The following IDE variants were observed in gnomAD, a reference collection of about 807,000 sequenced individuals.
IDE encodes the protein insulin-degrading enzyme.
In IDE, 58 loss-of-function variants were observed where a neutral mutation model predicts 133.2. The ratio of observed to expected loss-of-function variants is 0.44; its 90% CI spans 0.35 to 0.54. The LOEUF (loss-of-function observed/expected upper bound fraction) is 0.54. Ranked by LOEUF, IDE falls within the 20% of genes least tolerant of loss-of-function variation. The pLI is 0.00. For synonymous variants in IDE, 396 were observed against 421.3 expected (o/e 0.94, Z 0.73); for missense variants, 981 against 1,234.0 (o/e 0.79, Z 3.07).
chr10:92,556,825 G>A (rs938920360), intron 1 of IDE, among the ~76,000 whole-genome samples: 1 of 151,482 alleles, frequency 6.6e-6, no homozygotes, highest in Non-Finnish European at 1.5e-5. Context: ...TAGGGAGGCT[G>A]AGACAGGAGA....
At chr10:92,456,242 C>T in intron 23 of IDE, 117 bp downstream of exon 23, 3 of 750,986 alleles carry the variant, frequency 4.0e-6, no homozygotes, top group East Asian at 2.6e-5. Context: ...ACCTTATCTC[C>T]AGTTTCCGTT....
intron 23 of IDE, among the ~76,000 whole-genome samples, 182 bp from the exon 24 acceptor site, chr10:92,455,825 T>C (rs1380040435): frequency 6.6e-6 from 1 of 152,140 alleles, no homozygotes; most frequent in African/African-American, 2.4e-5. Flanking sequence ...CTGCCTTCTA[T>C]CCAGAGCCAC....
Position 92,454,521 on chromosome 10 carries a change from T to C in IDE, c.2983A>G (p.Met995Val), listed in dbSNP as rs991133504. 45 of 1,613,640 alleles carry C rather than the reference T, an allele frequency of 2.8e-5. No individual in the cohort carries two copies. The highest frequency in any genetic ancestry group is 3.6e-5 in the Non-Finnish European group (43 of 1,179,634). The change falls in exon 25 of 25, where the codon ATG (methionine) becomes GTG (valine). Residue 995 changes from methionine (M) to valine (V), a missense_variant. Coordinates refer to ENST00000265986, the MANE Select transcript of IDE (RefSeq NM_004969.4). The part of the protein sequence containing the change: ...ALPQPEVIQN[M>V]TEFKRGLPLF... ...GGCAGACCACGCTTGAATTCGGTCA[T>C]GTTCTGAATCACTTCAGGCTGCAAA...
At chr10:92,482,514 C>G (rs952409867) in intron 14 of IDE, among the ~76,000 whole-genome samples, 9 of 152,138 alleles carry the variant, frequency 5.9e-5, no homozygotes, top group African/African-American at 2.2e-4. Context: ...AAACAAGACT[C>G]AGGATCATTT....
At chr10:92,465,487 C>T (rs1845634148) in intron 20 of IDE, among the ~76,000 whole-genome samples, 189 bp downstream of exon 20, 1 of 152,124 alleles carries the variant, frequency 6.6e-6, no homozygotes, top group Non-Finnish European at 1.5e-5. Flanking sequence ...TAAATAATTG[C>T]TTTAATGTCC....
At chr10:92,506,600 T>C in intron 9 of IDE, 78 bp from the exon 10 acceptor site, 1 of 708,692 alleles carries the variant, frequency 1.4e-6, no homozygotes, top group Non-Finnish European at 2.4e-6. Context: ...AGTGTTTGGC[T>C]TGCACTATAA....
At chr10:92,470,927 T>C (rs1415088137) in intron 17 of IDE, among the ~76,000 whole-genome samples, 1 of 152,250 alleles carries the variant, frequency 6.6e-6, no homozygotes, top group Non-Finnish European at 1.5e-5. Context: ...GTCCTCACTG[T>C]AAATGTATTA....
chr10:92,496,180 T>G (rs1333141804), intron 11 of IDE, among the ~76,000 whole-genome samples: 1 of 152,152 alleles, frequency 6.6e-6, no homozygotes, highest in Non-Finnish European at 1.5e-5. Context: ...TGGCCTAAAG[T>G]GTTTCTTAAA....
intron 1 of IDE, among the ~76,000 whole-genome samples, chr10:92,543,651 G>T (rs1218669331): frequency 6.6e-6 from 1 of 152,194 alleles, no homozygotes; most frequent in Non-Finnish European, 1.5e-5. Flanking sequence ...ATGAAGTAGG[G>T]TGGTTGCAAT....
chr10:92,524,863 C>T (rs1396457218), intron 4 of IDE, among the ~76,000 whole-genome samples: 2 of 151,728 alleles, frequency 1.3e-5, no homozygotes, highest in African/African-American at 4.8e-5. Context: ...TGCAGTGAGC[C>T]GAGATGGCAC....
intron 1 of IDE, among the ~76,000 whole-genome samples, chr10:92,550,559 G>A (rs1842731259): frequency 6.6e-6 from 1 of 151,106 alleles, no homozygotes; most frequent in Non-Finnish European, 1.5e-5. Context: ...GCTGAGACAG[G>A]AGAATGGTGT....
At chr10:92,460,116 C>T (rs910838687) in intron 22 of IDE, among the ~76,000 whole-genome samples, 2 of 152,052 alleles carry the variant, frequency 1.3e-5, no homozygotes, top group African/African-American at 2.4e-5. Context: ...GGATTACAGG[C>T]GTGAGCCACC....
chr10:92,464,716 G>C (rs1249375494), intron 20 of IDE, among the ~76,000 whole-genome samples: 1 of 152,164 alleles, frequency 6.6e-6, no homozygotes, highest in Non-Finnish European at 1.5e-5. Flanking sequence ...TGTCACCCAA[G>C]CTGGAGTCAA....
intron 4 of IDE, among the ~76,000 whole-genome samples, chr10:92,521,898 T>G (rs747417469): frequency 2.6e-5 from 4 of 152,090 alleles, no homozygotes; most frequent in Non-Finnish European, 4.4e-5. Flanking sequence ...TAGAGATATA[T>G]ACTGAAATAT....
At chr10:92,526,022 G>A (rs915034199) in intron 4 of IDE, among the ~76,000 whole-genome samples, 8 of 151,908 alleles carry the variant, frequency 5.3e-5, no homozygotes, top group Non-Finnish European at 8.8e-5. Context: ...TGGGCGTTGT[G>A]GTGCAAGCCT....
intron 12 of IDE, among the ~76,000 whole-genome samples, chr10:92,489,495 T>C (rs1191853307): frequency 6.6e-6 from 1 of 151,936 alleles, no homozygotes; most frequent in African/African-American, 2.4e-5. Flanking sequence ...GCCACTGTAC[T>C]CCAGCATGGT....
chr10:92,495,216 CTTT>C (rs71028822), intron 11 of IDE, among the ~76,000 whole-genome samples: 3 of 73,442 alleles, frequency 4.1e-5, no homozygotes, highest in Admixed American at 1.8e-4. Flanking sequence ...TCACACTCGG[CTTT>C]TTTTTTTTTT....
intron 4 of IDE, among the ~76,000 whole-genome samples, chr10:92,524,982 C>G (rs1849548928): frequency 6.8e-6 from 1 of 146,420 alleles, no homozygotes; most frequent in Non-Finnish European, 1.5e-5. Flanking sequence ...ATCACAGGGT[C>G]AGGTGTAATG....
At chr10:92,505,282 A>G (rs1180841609) in intron 10 of IDE, among the ~76,000 whole-genome samples, 1 of 152,224 alleles carries the variant, frequency 6.6e-6, no homozygotes, top group African/African-American at 2.4e-5. Context: ...ACACATTTTT[A>G]TGAACAGAAT....
Sources: gnomAD v4.1 joint callset for allele counts (sites outside exome capture counted in the v4.1 genomes callset) on GRCh38, gnomAD v4.1.1 for gene constraint, MANE v1.5 for transcripts, NCBI Gene and HGNC (gene_info 2026-07-23, HGNC 2026-07-21) for gene names.